Variants in KAZN observed in about 807,000 individuals in gnomAD.
KAZN encodes the protein kazrin, periplakin interacting protein, also known as kazrin.
A neutral mutation model predicts 87.4 loss-of-function variants in KAZN; 40 were observed. That is an observed-to-expected ratio of 0.46 (90% CI 0.36 to 0.60). The LOEUF is 0.60. KAZN is among the 20% of genes least tolerant of loss of function. The probability of loss-of-function intolerance (pLI) is 0.00; values close to 1 mark genes in which losing one functional copy is unlikely to be tolerated. For missense variants in KAZN, 898 were observed against 1,073.9 expected, an observed-to-expected ratio of 0.84 and a Z score of 2.29; for synonymous variants, 466 against 458.3, an observed-to-expected ratio of 1.02 and a Z score of -0.22.
At chr1:14,848,676 G>A (rs989462298) in intron 1 of KAZN, among the ~76,000 whole-genome samples, 3 of 152,152 alleles carry the variant, frequency 2.0e-5, no homozygotes, top group African/African-American at 7.2e-5. Context: ...CAGTAAGACC[G>A]ACAGTTCCAT....
chr1:14,120,745 G>T (rs1644735341), intron 1 of KAZN, among the ~76,000 whole-genome samples: 1 of 152,198 alleles, frequency 6.6e-6, no homozygotes, highest in African/African-American at 2.4e-5. Flanking sequence ...TGGTACCCAT[G>T]CATCCTTCTG....
intron 1 of KAZN, among the ~76,000 whole-genome samples, chr1:14,775,569 T>C (rs2100615559): frequency 1.3e-5 from 2 of 152,262 alleles, no homozygotes; most frequent in South Asian, 4.1e-4. Flanking sequence ...ACAAGCTCAG[T>C]GGGCAGACAG....
chr1:14,106,051 A>T (rs1644367247), intron 1 of KAZN, among the ~76,000 whole-genome samples: 1 of 152,258 alleles, frequency 6.6e-6, no homozygotes. Context: ...AAACAATAAC[A>T]GTAACAACAA....
intron 2 of KAZN, among the ~76,000 whole-genome samples, chr1:14,415,650 G>C (rs1391474382): frequency 2.0e-5 from 3 of 152,178 alleles, no homozygotes; most frequent in Non-Finnish European, 2.9e-5. Context: ...CTCGCCTCTG[G>C]ACTGGGATCA....
intron 1 of KAZN, among the ~76,000 whole-genome samples, chr1:14,759,911 C>T (rs1482292403): frequency 6.6e-6 from 1 of 152,150 alleles, no homozygotes. Flanking sequence ...CATTGTGGCT[C>T]CTCTTCCAGG....
chr1:15,080,731 CA>C (rs1308347237), intron 8 of KAZN, among the ~76,000 whole-genome samples: 1 of 152,226 alleles, frequency 6.6e-6, no homozygotes, highest in Non-Finnish European at 1.5e-5. Flanking sequence ...GCTCCCCTGC[CA>C]CTTCCCAAGG....
chr1:14,598,056 A>C (rs545124120), upstream of KAZN, among the ~76,000 whole-genome samples: 1 of 152,286 alleles, frequency 6.6e-6, no homozygotes, highest in Admixed American at 6.5e-5. The surrounding 1 kb of genome is among the most constrained non-coding windows in gnomAD (Gnocchi z 4.2). Context: ...GAAGCTTAGG[A>C]GCTGGCTAAG....
intron 4 of KAZN, among the ~76,000 whole-genome samples, chr1:15,051,281 C>T (rs1328820967): frequency 2.4e-4 from 36 of 152,226 alleles, no homozygotes; most frequent in Non-Finnish European, 2.9e-5. Context: ...CTGTGGCCTC[C>T]GGATCAGCGG....
At chr1:13,971,785 C>T (rs1642145625) in intron 1 of KAZN, among the ~76,000 whole-genome samples, 1 of 152,120 alleles carries the variant, frequency 6.6e-6, no homozygotes, top group Admixed American at 6.5e-5. Flanking sequence ...GCACCATCCC[C>T]CTTGGTACTG....
chr1:14,484,026 T>A (rs1022922301), intron 2 of KAZN, among the ~76,000 whole-genome samples: 4 of 152,240 alleles, frequency 2.6e-5, no homozygotes, highest in Non-Finnish European at 5.9e-5. Context: ...GATCGTCTTC[T>A]CCTCATTGTA....
At position 14,923,379 on chromosome 1, in the gene KAZN, G is replaced by A. The variant is rs551477006; in HGVS notation, c.227-37305G>A. 3.3e-5 allele frequency among the ~76,000 whole-genome samples: 5 copies of A among 152,312 alleles called. No homozygotes were observed. Among genetic ancestry groups the A allele is most frequent in the East Asian group, 3.9e-4 (2 of 5,180 alleles). On this transcript the variant is annotated intron_variant, in intron 1 of 14. Transcript: ENST00000376030. This position sits in a 1 kb window ranked among gnomAD's most constrained non-coding sequence, Gnocchi z 4.2. ...TGCCAGCCTGAACACCCACTCCAGCGGGTGGGTTCTGTTGTGCAGACCCTC... is the reference window on the plus strand; with the variant it reads ...TGCCAGCCTGAACACCCACTCCAGCAGGTGGGTTCTGTTGTGCAGACCCTC...
intron 1 of KAZN, among the ~76,000 whole-genome samples, chr1:14,936,309 G>A (rs908814207): frequency 3.9e-5 from 6 of 152,230 alleles, no homozygotes; most frequent in African/African-American, 1.4e-4. Context: ...AGGCACATTA[G>A]AGATGCGGTT....
intron 2 of KAZN, among the ~76,000 whole-genome samples, chr1:14,484,280 C>T (rs1041205611): frequency 4.6e-5 from 7 of 152,060 alleles, no homozygotes; most frequent in East Asian, 3.9e-4. Flanking sequence ...TATTGCACAA[C>T]GGTGTGGCTA....
At chr1:14,606,082 C>T (rs906827830) in intron 1 of KAZN, among the ~76,000 whole-genome samples, 26 of 152,222 alleles carry the variant, frequency 1.7e-4, no homozygotes, top group African/African-American at 6.3e-4. Context: ...GGCATATGGT[C>T]AGGAAGTGAC....
chr1:14,327,368 C>A (rs1264818871), intron 2 of KAZN, among the ~76,000 whole-genome samples: 7 of 152,246 alleles, frequency 4.6e-5, no homozygotes, highest in African/African-American at 1.7e-4. Context: ...TTAGTCCCCC[C>A]ACACGCTGTC....
At chr1:14,917,925 C>A (rs1017923723) in intron 1 of KAZN, among the ~76,000 whole-genome samples, 44 of 152,116 alleles carry the variant, frequency 2.9e-4, no homozygotes, top group Admixed American at 2.0e-4. Context: ...GTCGCCCAGG[C>A]TGGAGTGCAG....
chr1:14,934,115 A>G (rs1428997230), intron 1 of KAZN, among the ~76,000 whole-genome samples: 4 of 151,758 alleles, frequency 2.6e-5, no homozygotes, highest in African/African-American at 7.3e-5. Context: ...TCGGCCTCCC[A>G]AAGTGCTGGG....
rs1260510798 is a variant in KAZN at position 14,176,757 on chromosome 1, CTATT to C, written c.92-3669_92-3666del. Among the ~76,000 whole-genome samples the C allele has an allele frequency of 3.9e-5, 6 of 152,176 alleles. No individual in the cohort carries two copies. In the East Asian group the frequency reaches 7.7e-4, roughly 20 times the overall value. ...TTCTCCATGATTCAAAACCCATCTTCTATTTATTTATTATTTGTTTAATTTTTTT... is the reference window on the plus strand; with the variant it reads ...TTCTCCATGATTCAAAACCCATCTTCTATTTATTATTTGTTTAATTTTTTT... On this transcript the variant is annotated intron_variant, in intron 1 of 16. Coordinates refer to the KAZN transcript ENST00000636203.
At chr1:14,008,720 G>A (rs1405152908) in intron 1 of KAZN, among the ~76,000 whole-genome samples, 3 of 152,126 alleles carry the variant, frequency 2.0e-5, no homozygotes, top group Non-Finnish European at 2.9e-5. Context: ...TGGTGGTACC[G>A]ATATAGCCAG....
Sources: gnomAD v4.1 joint callset for allele counts (sites outside exome capture counted in the v4.1 genomes callset) on GRCh38, gnomAD v4.1.1 for gene constraint, Gnocchi (gnomAD v3.1) non-coding constraint, MANE v1.5 for transcripts, NCBI Gene and HGNC (gene_info 2026-07-23, HGNC 2026-07-21) for gene names.